Variants in CLIC5 observed in about 807,000 individuals in gnomAD.
CLIC5 encodes the protein chloride intracellular channel protein 5.
CLIC5 carries 20 observed loss-of-function variants against 24.7 expected under a neutral mutation model. The observed-to-expected ratio is 0.81, with a 90% CI of 0.57 to 1.18. The LOEUF is 1.18. CLIC5 is among the 50% of genes most tolerant of loss of function. CLIC5 has a pLI of 0.00. For missense variants in CLIC5, 341 were observed against 326.1 expected, an observed-to-expected ratio of 1.05 and a Z score of -0.35; for synonymous variants, 159 against 135.6, an observed-to-expected ratio of 1.17 and a Z score of -1.20.
the CLIC5 span, among the ~76,000 whole-genome samples, chr6:46,086,030 G>A: frequency 2.6e-5 from 4 of 152,222 alleles, no homozygotes; most frequent in Non-Finnish European, 2.9e-5. Flanking sequence ...GACTCCGTGG[G>A]CGTAGGACCC....
At chr6:45,963,816 T>A (rs1053438981) in intron 1 of CLIC5, among the ~76,000 whole-genome samples, 2 of 152,194 alleles carry the variant, frequency 1.3e-5, no homozygotes, top group African/African-American at 4.8e-5. Flanking sequence ...TTAAATATCT[T>A]GCCAGTTACT....
chr6:45,908,760 G>A (rs573527754), intron 5 of CLIC5, among the ~76,000 whole-genome samples: 1 of 152,242 alleles, frequency 6.6e-6, no homozygotes, highest in East Asian at 1.9e-4. Context: ...GTCAATGGGT[G>A]GAGTATTCAG....
intron 4 of CLIC5, among the ~76,000 whole-genome samples, chr6:45,933,412 C>T (rs1008905766): frequency 6.6e-6 from 1 of 152,148 alleles, no homozygotes; most frequent in Non-Finnish European, 1.5e-5. Flanking sequence ...TGATTATTTT[C>T]AATGAAGGCA....
the CLIC5 span, among the ~76,000 whole-genome samples, chr6:46,101,960 GA>G: frequency 3.9e-5 from 5 of 127,294 alleles, no homozygotes; most frequent in Admixed American, 8.7e-5. Context: ...AGAATATTGA[GA>G]AAAAAAAAAG....
At chr6:46,009,158 A>T (rs1485801657) in intron 1 of CLIC5, among the ~76,000 whole-genome samples, 1 of 151,590 alleles carries the variant, frequency 6.6e-6, no homozygotes, top group East Asian at 2.0e-4. Flanking sequence ...TGCTGCTGGC[A>T]TGGGAAGAGT....
chr6:45,989,443 A>G (rs1359830016), intron 1 of CLIC5, among the ~76,000 whole-genome samples: 1 of 152,194 alleles, frequency 6.6e-6, no homozygotes, highest in Non-Finnish European at 1.5e-5. Flanking sequence ...AAAAATCCCC[A>G]AATTGAAATG....
intron 1 of CLIC5, among the ~76,000 whole-genome samples, chr6:46,022,948 A>G (rs781742053): frequency 6.6e-6 from 1 of 152,160 alleles, no homozygotes; most frequent in Non-Finnish European, 1.5e-5. Flanking sequence ...CTTCTTATGG[A>G]CAGGAATCCA....
chr6:46,065,932 G>A (rs538488267), intron 1 of CLIC5, among the ~76,000 whole-genome samples: 349 of 152,192 alleles, frequency 2.3e-3, no homozygotes, highest in Admixed American at 4.1e-3. Context: ...AATACTGTTG[G>A]CCCCATAAAG....
chr6:46,082,101 A>G (rs1442601572), upstream of CLIC5, among the ~76,000 whole-genome samples: 2 of 152,120 alleles, frequency 1.3e-5, no homozygotes, highest in African/African-American at 4.8e-5. Flanking sequence ...CCTTTCCACA[A>G]TGCAACTCAT....
chr6:45,977,029 C>T (rs1376123104), intron 1 of CLIC5, among the ~76,000 whole-genome samples: 1 of 152,052 alleles, frequency 6.6e-6, no homozygotes, highest in Non-Finnish European at 1.5e-5. Flanking sequence ...AAATTATTTC[C>T]TTTCAGGGCT....
intron 1 of CLIC5, among the ~76,000 whole-genome samples, chr6:45,980,432 G>T (rs1765529781): frequency 1.3e-5 from 2 of 152,096 alleles, no homozygotes; most frequent in South Asian, 2.1e-4. Context: ...TGGGAGTGGG[G>T]TGAGCATTGG....
the CLIC5 span, among the ~76,000 whole-genome samples, chr6:46,104,755 C>T: frequency 6.6e-6 from 1 of 150,992 alleles, no homozygotes; most frequent in Non-Finnish European, 1.5e-5. Flanking sequence ...GAAAGAAAGA[C>T]ACATAATAGT....
intron 4 of CLIC5, among the ~76,000 whole-genome samples, chr6:45,935,255 C>A (rs1763887593): frequency 6.6e-6 from 1 of 152,194 alleles, no homozygotes; most frequent in Non-Finnish European, 1.5e-5. Context: ...AGGGAAGAGA[C>A]AAACCCAAGG....
exon 1 of CLIC5, chr6:46,079,760 T>G: frequency 6.4e-7 from 1 of 1,551,910 alleles, no homozygotes; most frequent in Non-Finnish European, 8.7e-7. Flanking sequence ...CTTCCAAACC[T>G]TCAGCATCAG....
At position 45,930,399 on chromosome 6, in the gene CLIC5, G is replaced by A. The variant is rs1254884413; in HGVS notation, c.406+11148C>T. 4.6e-5 allele frequency among the ~76,000 whole-genome samples: 7 copies of A among 152,286 alleles called. No individual in the cohort carries two copies. The East Asian group carries it at 1.4e-3, about 29-fold the overall frequency. On this transcript the variant is annotated intron_variant, in intron 4 of 5. Coordinates refer to ENST00000339561, the MANE Select transcript of CLIC5 (RefSeq NM_016929.5). Reference sequence around the variant, plus strand: ...GAGGGGCAGCCAGGGACCTCCTATGGTAGATCCGTCAGGCCTGGTGGACAT... The same window carrying A: ...GAGGGGCAGCCAGGGACCTCCTATGATAGATCCGTCAGGCCTGGTGGACAT...
chr6:46,015,360 G>A (rs1766962445), intron 1 of CLIC5, 120 bp downstream of exon 1: 1 of 1,010,344 alleles, frequency 9.9e-7, no homozygotes. Flanking sequence ...GGCCACGGGG[G>A]AGCACAGGGC....
chr6:46,094,794 C>G, the CLIC5 span, among the ~76,000 whole-genome samples: 1 of 152,162 alleles, frequency 6.6e-6, no homozygotes, highest in African/African-American at 2.4e-5. Context: ...AGTGGCCATC[C>G]TCTCATAGCT....
intron 1 of CLIC5, among the ~76,000 whole-genome samples, chr6:46,065,748 G>A (rs180852384): frequency 7.0e-4 from 107 of 152,318 alleles, no homozygotes; most frequent in Non-Finnish European, 1.3e-3. Context: ...CTAGGAGGCA[G>A]GAGGTGTCTG....
chr6:46,070,781 C>A (rs969695809), intron 1 of CLIC5, among the ~76,000 whole-genome samples: 1 of 151,914 alleles, frequency 6.6e-6, no homozygotes, highest in Non-Finnish European at 1.5e-5. Flanking sequence ...CAACCCTAAG[C>A]AAAAAGAACA....
Sources: allele counts gnomAD v4.1 joint callset (sites outside exome capture counted in the v4.1 genomes callset), GRCh38; gene constraint gnomAD v4.1.1; transcripts MANE v1.5; gene names NCBI Gene and HGNC (gene_info 2026-07-23, HGNC 2026-07-21).